ARGLU1: variants seen among roughly 807,000 people sequenced by gnomAD.
The protein encoded by ARGLU1 is arginine and glutamate-rich protein 1.
Under a neutral mutation model 37.6 loss-of-function variants are expected in ARGLU1, and 9 were observed. That is an observed-to-expected ratio of 0.24 (90% CI 0.14 to 0.42). The LOEUF is 0.42. Ranked by LOEUF, ARGLU1 falls within the 10% of genes least tolerant of loss-of-function variation. The probability of loss-of-function intolerance (pLI) is 1.00; values close to 1 mark genes in which losing one functional copy is unlikely to be tolerated. For missense variants in ARGLU1, 211 were observed against 359.2 expected, an observed-to-expected ratio of 0.59 and a Z score of 3.34; for synonymous variants, 166 against 138.5, an observed-to-expected ratio of 1.20 and a Z score of -1.39.
intron 1 of ARGLU1, 95 bp from the exon 2 acceptor site, chr13:106,559,752 T>G (rs1377596684): frequency 7.6e-7 from 1 of 1,317,492 alleles, no homozygotes; most frequent in African/African-American, 1.5e-5. Flanking sequence ...CCATTGAGCC[T>G]GATATTATTC....
chr13:106,562,992 AAAAAAAAAAAAAAAAAC>A (rs1394493534), intron 1 of ARGLU1, among the ~76,000 whole-genome samples: 4 of 121,088 alleles, frequency 3.3e-5, no homozygotes, highest in African/African-American at 1.0e-4. Flanking sequence ...CCCTGTCTCA[AAAAAAAAAAAAAAAAAC>A]AAAAAAAAAA....
intron 3 of ARGLU1, among the ~76,000 whole-genome samples, chr13:106,553,042 A>T (rs1299278060): frequency 6.6e-6 from 1 of 152,218 alleles, no homozygotes; most frequent in East Asian, 1.9e-4. Flanking sequence ...AACTTGTGTC[A>T]CAAAAGGCTA....
chr13:106,546,352 T>C (rs1880389698), intron 3 of ARGLU1, among the ~76,000 whole-genome samples: 1 of 152,232 alleles, frequency 6.6e-6, no homozygotes, highest in South Asian at 2.1e-4. Context: ...CAAGATTTTC[T>C]ATAACCTGGC....
intron 2 of ARGLU1, chr13:106,558,371 G>A (rs1215977667): frequency 5.1e-6 from 5 of 985,132 alleles, no homozygotes; most frequent in Non-Finnish European, 4.8e-6. Context: ...TTACCAGAAA[G>A]CAAAGAGATT....
rs1383070393 is a variant in ARGLU1 at position 106,557,132 on chromosome 13, C to G, written c.574-1G>C. The G allele has an allele frequency of 6.2e-7, 1 of 1,611,068 alleles. No homozygotes were observed. The highest frequency in any genetic ancestry group is 8.5e-7 in the Non-Finnish European group (1 of 1,177,426). ...CCTCACGTTTTGCACGTTCTTCCTCCTAAAGGGGAGGATATGTTAAGATAT... is the reference window on the plus strand; with the variant it reads ...CCTCACGTTTTGCACGTTCTTCCTCGTAAAGGGGAGGATATGTTAAGATAT... On this transcript the variant is annotated splice_acceptor_variant, in intron 2 of 3. Coordinates refer to ENST00000400198, the MANE Select transcript of ARGLU1 (RefSeq NM_018011.4). LOFTEE classifies it high-confidence loss of function. This position sits in a 1 kb window ranked among gnomAD's most constrained non-coding sequence, Gnocchi z 5.0.
chr13:106,558,509 T>C (rs1341399107), intron 2 of ARGLU1: 2 of 985,300 alleles, frequency 2.0e-6, no homozygotes, highest in Non-Finnish European at 2.4e-6. Context: ...ACCAATGGGA[T>C]TCATATTCAT....
chr13:106,557,311 A>T lies in ARGLU1; in HGVS notation c.574-180T>A. On this transcript the variant is annotated intron_variant, in intron 2 of 3. Coordinates refer to ENST00000400198, the MANE Select transcript of ARGLU1 (RefSeq NM_018011.4). This position sits in a 1 kb window ranked among gnomAD's most constrained non-coding sequence, Gnocchi z 5.0. ...AAAATTGGTTTCTAGCACTAAATTT[A>T]AATCATCCCTCCCAGTCCAAACAGC... The T allele has an allele frequency of 1.5e-6, 1 of 677,462 alleles. No homozygotes were observed. The highest frequency in any genetic ancestry group is 2.4e-6 in the Non-Finnish European group (1 of 419,216). 42.0% of individuals were successfully genotyped at this position (677,462 alleles called of 1,614,324 possible).
intron 3 of ARGLU1, among the ~76,000 whole-genome samples, chr13:106,554,742 A>C (rs147156779): frequency 3.3e-5 from 5 of 151,760 alleles, no homozygotes; most frequent in Non-Finnish European, 7.4e-5. Context: ...AAAATTAGCC[A>C]GGTGTGGTGG....
At chr13:106,546,248 C>T (rs1880387593) in intron 3 of ARGLU1, among the ~76,000 whole-genome samples, 1 of 152,194 alleles carries the variant, frequency 6.6e-6, no homozygotes, top group Non-Finnish European at 1.5e-5. Context: ...CCTTTCTTGA[C>T]CACTGCTCAC....
rs543221810 is a variant in ARGLU1, at chr13:106,555,792, T to C, written c.657+1256A>G. ...CACAGGGTCAGAAGGGATCAAGATC[T>C]TGGCTGGGCACACCAAGCTTCCAGG... is the stretch of plus-strand genomic sequence containing the variant. On this transcript the variant is annotated intron_variant, in intron 3 of 3. Transcript: ENST00000400198. 2.0e-5 allele frequency among the ~76,000 whole-genome samples: 3 copies of C among 152,254 alleles called. No homozygotes were observed. In the South Asian group the frequency reaches 6.2e-4, roughly 32 times the overall value.
chr13:106,557,509 G>A lies in ARGLU1; in HGVS notation c.574-378C>T. On this transcript the variant is annotated intron_variant, in intron 2 of 3. Transcript: ENST00000400198. The surrounding 1 kb of genome is among the most constrained non-coding windows in gnomAD (Gnocchi z 5.0). ...TGTCTCACCAATTATGTATACCTAC[G>A]TATTCTTTACCTATACTCCTTTAAT... 7.1e-7 allele frequency: 1 copy of A among 1,417,968 alleles called. No individual in the cohort carries two copies. The highest frequency in any genetic ancestry group is 9.5e-7 in the Non-Finnish European group (1 of 1,051,804). The allele number at this position is 1,417,968 out of a possible 1,614,324, so 87.8% of individuals were successfully genotyped here.
intron 3 of ARGLU1, among the ~76,000 whole-genome samples, chr13:106,544,928 C>T (rs996174874): frequency 2.0e-5 from 3 of 152,138 alleles, no homozygotes; most frequent in African/African-American, 7.2e-5. Flanking sequence ...CCTGCAGTGC[C>T]TTCAACTCCT....
intron 1 of ARGLU1, among the ~76,000 whole-genome samples, chr13:106,563,436 C>T (rs1181857819): frequency 6.6e-6 from 1 of 152,108 alleles, no homozygotes; most frequent in Non-Finnish European, 1.5e-5. Context: ...TATACTACCA[C>T]CCTACACCGG....
rs1473767694 is a variant in ARGLU1, at chr13:106,567,272, C to G, written c.347+301G>C. On this transcript the variant is annotated intron_variant, in intron 1 of 3. Transcript: ENST00000400198. This position sits in a 1 kb window ranked among gnomAD's most constrained non-coding sequence, Gnocchi z 4.3. The stretch of plus-strand genomic sequence containing the variant: ...AGCTCTCCGACCTCACTCCGAACTC[C>G]ACCCCTACTTCCGGGACACCACTCC... Among the ~76,000 whole-genome samples, 2 of 151,994 alleles carry G rather than the reference C, an allele frequency of 1.3e-5. No homozygotes were observed. Among genetic ancestry groups the G allele is most frequent in the African/African-American group, 4.8e-5 (2 of 41,356 alleles).
chr13:106,543,955 GT>G lies in ARGLU1; in HGVS notation c.*40del. The G allele has an allele frequency of 1.3e-6, 2 of 1,537,244 alleles. No homozygotes were observed. Among genetic ancestry groups the G allele is most frequent in the Non-Finnish European group, 1.7e-6 (2 of 1,150,886 alleles). On this transcript the variant is annotated 3_prime_UTR_variant, in exon 4 of 4. Transcript: ENST00000400198. The stretch of plus-strand genomic sequence containing the variant: ...CTTCAACATGAAGCTACCATACAAA[GT>G]TTTTCCATTTTTCTTTGTAAAAAGT...
intron 3 of ARGLU1, among the ~76,000 whole-genome samples, chr13:106,551,180 C>G (rs369894422): frequency 6.6e-6 from 1 of 152,188 alleles, no homozygotes; most frequent in Non-Finnish European, 1.5e-5. Flanking sequence ...TCTGAGTAGC[C>G]TGAGATATTC....
chr13:106,547,830 T>C (rs1056236971), intron 3 of ARGLU1, among the ~76,000 whole-genome samples: 2 of 152,112 alleles, frequency 1.3e-5, no homozygotes, highest in Non-Finnish European at 2.9e-5. Flanking sequence ...AAACAAAATT[T>C]GAACCATGTG....
At chr13:106,564,938 A>G (rs1350614043) in intron 1 of ARGLU1, among the ~76,000 whole-genome samples, 1 of 152,208 alleles carries the variant, frequency 6.6e-6, no homozygotes, top group African/African-American at 2.4e-5. Flanking sequence ...GCCACACTAT[A>G]AACATGAGAA....
chr13:106,547,350 T>C (rs1880419279), intron 3 of ARGLU1, among the ~76,000 whole-genome samples: 1 of 152,226 alleles, frequency 6.6e-6, no homozygotes, highest in Non-Finnish European at 1.5e-5. Flanking sequence ...GGAATTTACA[T>C]TATGTACTTG....
Sources: gnomAD v4.1 joint callset for allele counts (sites outside exome capture counted in the v4.1 genomes callset) on GRCh38, gnomAD v4.1.1 for gene constraint, Gnocchi (gnomAD v3.1) non-coding constraint, MANE v1.5 for transcripts, NCBI Gene and HGNC (gene_info 2026-07-23, HGNC 2026-07-21) for gene names.